LRP5: variants seen among roughly 807,000 people sequenced by gnomAD.
LRP5 encodes the protein LDL receptor related protein 5, also known as low-density lipoprotein receptor-related protein 5.
A neutral mutation model predicts 154.1 loss-of-function variants in LRP5; 62 were observed. That is an observed-to-expected ratio of 0.40 (90% CI 0.33 to 0.50). LRP5 has a LOEUF of 0.50. Ranked by LOEUF, LRP5 falls within the 20% of genes least tolerant of loss-of-function variation. The pLI is 0.55. For missense variants in LRP5, 1,915 were observed against 2,336.7 expected (o/e 0.82, Z 3.72); for synonymous variants, 966 against 1,011.5 (o/e 0.96, Z 0.85).
intron 1 of LRP5, among the ~76,000 whole-genome samples, chr11:68,332,625 T>C (rs751649517): frequency 7.2e-5 from 11 of 152,122 alleles, no homozygotes; most frequent in Admixed American, 2.0e-4. Flanking sequence ...GGAGGGTTTT[T>C]AGGGGTGGGA....
At chr11:68,392,671 C>A (rs1190824245) in intron 7 of LRP5, among the ~76,000 whole-genome samples, 1 of 152,182 alleles carries the variant, frequency 6.6e-6, no homozygotes, top group Non-Finnish European at 1.5e-5. Flanking sequence ...TCCCCTCTCT[C>A]CCAGCCTCTG....
chr11:68,325,377 C>A lies in LRP5; in HGVS notation c.91+12572C>A, dbSNP rs2098599063. Among the ~76,000 whole-genome samples the A allele has an allele frequency of 2.0e-5, 3 of 152,164 alleles. No individual in the cohort carries two copies. In the South Asian group the frequency reaches 6.2e-4, roughly 31 times the overall value. On this transcript the variant is annotated intron_variant, in intron 1 of 22. Coordinates refer to ENST00000294304, the MANE Select transcript of LRP5 (RefSeq NM_002335.4). ...AGAGGGATGCACTCAGTCGAAGTGC[C>A]CGCCTCTTGCTTTGTGTTAGTGTGA...
chr11:68,423,180 C>T lies in LRP5; in HGVS notation c.3028-309C>T, dbSNP rs1038439693. 8.5e-5 allele frequency among the ~76,000 whole-genome samples: 13 copies of T among 152,276 alleles called. No individual in the cohort carries two copies. In the East Asian group the frequency reaches 1.9e-3, roughly 23 times the overall value. On this transcript the variant is annotated intron_variant, in intron 13 of 22. Transcript: ENST00000294304. This position sits in a 1 kb window ranked among gnomAD's most constrained non-coding sequence, Gnocchi z 4.7. ...CGGGTGGCTGAGGAGGCCTAAAGTCCGAGGCGGCAAGAGCTCTTCCAGAGG... is the reference window on the plus strand; with the variant it reads ...CGGGTGGCTGAGGAGGCCTAAAGTCTGAGGCGGCAAGAGCTCTTCCAGAGG...
At chr11:68,369,552 C>T (rs2098632936) in intron 5 of LRP5, among the ~76,000 whole-genome samples, 1 of 152,038 alleles carries the variant, frequency 6.6e-6, no homozygotes, top group Admixed American at 6.5e-5. Context: ...GTGGAAGGAT[C>T]ATTTGAGGTC....
chr11:68,380,539 G>C (rs191898312), intron 5 of LRP5, among the ~76,000 whole-genome samples: 1 of 152,210 alleles, frequency 6.6e-6, no homozygotes, highest in Non-Finnish European at 1.5e-5. Context: ...ATTTGAGCGC[G>C]TTTCCTTCCC....
intron 21 of LRP5, among the ~76,000 whole-genome samples, chr11:68,441,075 T>C (rs1216924173): frequency 6.6e-6 from 1 of 151,370 alleles, no homozygotes; most frequent in African/African-American, 2.4e-5. Flanking sequence ...GCCTTTTTCT[T>C]TTCTTTTCTT....
chr11:68,437,137 G>C, intron 19 of LRP5, 138 bp downstream of exon 19: 2 of 708,214 alleles, frequency 2.8e-6, no homozygotes, highest in South Asian at 3.2e-5. Flanking sequence ...GGCTCCTTGC[G>C]GGAGGCAGGG....
At position 68,439,804 on chromosome 11, in the gene LRP5, G is replaced by A. The variant is rs1341992748; in HGVS notation, c.4376G>A (p.Ser1459Asn). ...TGIACGKSMMSSVSLMGGRGG... is the reference protein window; with the variant it reads ...TGIACGKSMMNSVSLMGGRGG... ...ATCGCATGCGGAAAGTCCATGATGA[G>A]CTCCGTGAGCCTGATGGGGGGCCGG... The change falls in exon 21 of 23, where the codon AGC becomes AAC. Residue 1459 changes from serine (S) to asparagine (N), a missense_variant. Physicochemically the swap from Ser to Asn is conservative, Grantham distance 46. This residue lies in a region of LRP5 where 1,094 missense variants were observed against 1,210.1 expected (regional missense o/e 0.90). Transcript: ENST00000294304. 2 of 1,611,720 alleles carry A rather than the reference G, an allele frequency of 1.2e-6. No homozygotes were observed. Among genetic ancestry groups the A allele is most frequent in the Non-Finnish European group, 1.7e-6 (2 of 1,179,676 alleles).
intron 7 of LRP5, among the ~76,000 whole-genome samples, chr11:68,398,354 G>A (rs1346418854): frequency 1.3e-5 from 2 of 152,198 alleles, no homozygotes; most frequent in Admixed American, 1.3e-4. Flanking sequence ...GCCGGCGGCC[G>A]GCCCATTCCT....
intron 3 of LRP5, among the ~76,000 whole-genome samples, chr11:68,359,231 C>G (rs1565343657): frequency 1.3e-5 from 2 of 152,168 alleles, no homozygotes; most frequent in Admixed American, 6.6e-5. Flanking sequence ...CCTCAGTCAT[C>G]TGAAGGTTTG....
At chr11:68,357,043 C>A (rs1049587988) in intron 2 of LRP5, among the ~76,000 whole-genome samples, 4 of 151,294 alleles carry the variant, frequency 2.6e-5, no homozygotes, top group Non-Finnish European at 5.9e-5. Flanking sequence ...TCAAATGATT[C>A]TCCTGCCTCA....
intron 1 of LRP5, among the ~76,000 whole-genome samples, chr11:68,338,470 G>A (rs2098606931): frequency 6.6e-6 from 1 of 152,224 alleles, no homozygotes; most frequent in South Asian, 2.1e-4. Flanking sequence ...CTCCGGGTAG[G>A]ACTGATCACG....
At chr11:68,301,875 G>A in the LRP5 span, among the ~76,000 whole-genome samples, 6 of 151,930 alleles carry the variant, frequency 3.9e-5, no homozygotes, top group East Asian at 3.9e-4. Context: ...TGATCCGCCT[G>A]CCTCGGCCTC....
At chr11:68,439,938 G>A in intron 21 of LRP5, 22 bp downstream of exon 21, 2 of 1,510,404 alleles carry the variant, frequency 1.3e-6, no homozygotes, top group South Asian at 1.2e-5. Context: ...GGCCGGGGAG[G>A]GGCGGGGCGG....
chr11:68,409,305 TTATAAG>T (rs999917767), intron 9 of LRP5, among the ~76,000 whole-genome samples: 2 of 143,338 alleles, frequency 1.4e-5, no homozygotes, highest in African/African-American at 5.1e-5. Flanking sequence ...TAATACATAC[TTATAAG>T]TATATATTTA....
chr11:68,438,042 C>A (rs1024569531), intron 19 of LRP5, among the ~76,000 whole-genome samples: 3 of 152,200 alleles, frequency 2.0e-5, no homozygotes, highest in African/African-American at 7.2e-5. Flanking sequence ...CCCAGCCGAC[C>A]CTGCCCCTCC....
chr11:68,436,071 A>T (rs146486907), intron 18 of LRP5, among the ~76,000 whole-genome samples: 1 of 152,174 alleles, frequency 6.6e-6, no homozygotes, highest in African/African-American at 2.4e-5. Flanking sequence ...CGTTGGAGCC[A>T]TCTGAGCCCC....
chr11:68,378,304 G>T (rs1464866534), intron 5 of LRP5, among the ~76,000 whole-genome samples: 1 of 152,188 alleles, frequency 6.6e-6, no homozygotes, highest in African/African-American at 2.4e-5. Context: ...AGGCCGCTGG[G>T]CGACGGTGTG....
chr11:68,373,524 C>T (rs560059025), intron 5 of LRP5, among the ~76,000 whole-genome samples: 1 of 152,266 alleles, frequency 6.6e-6, no homozygotes, highest in Non-Finnish European at 1.5e-5. Context: ...TGAGACAGGG[C>T]AGGTATATCC....
Sources: gnomAD v4.1 joint callset for allele counts (sites outside exome capture counted in the v4.1 genomes callset) on GRCh38, gnomAD v4.1.1 for gene constraint, gnomAD v4.1.1 regional missense constraint, Gnocchi (gnomAD v3.1) non-coding constraint, MANE v1.5 for transcripts, NCBI Gene and HGNC (gene_info 2026-07-23, HGNC 2026-07-21) for gene names.